SHTN1: variants seen among roughly 807,000 people sequenced by gnomAD.
SHTN1 encodes the protein shootin-1.
In SHTN1, 42 loss-of-function variants were observed where a neutral mutation model predicts 83.1. The ratio of observed to expected loss-of-function variants is 0.51; its 90% CI spans 0.39 to 0.65. The LOEUF is 0.65. SHTN1 is among the 30% of genes least tolerant of loss of function. The probability of loss-of-function intolerance (pLI) is 0.00; values close to 1 mark genes in which losing one functional copy is unlikely to be tolerated. For synonymous variants in SHTN1, 224 were observed against 247.7 expected (o/e 0.90, Z 0.90); for missense variants, 622 against 737.8 (o/e 0.84, Z 1.82).
At chr10:117,079,034 TTTTA>T (rs1051959084) in intron 1 of SHTN1, among the ~76,000 whole-genome samples, 9 of 152,038 alleles carry the variant, frequency 5.9e-5, no homozygotes, top group East Asian at 5.8e-4. Context: ...TTTTTTTTAT[TTTTA>T]TTTATTTTTT....
At position 116,949,027 on chromosome 10, in the gene SHTN1, A is replaced by G. The variant is rs117218296; in HGVS notation, c.535-30T>C. On this transcript the variant is annotated intron_variant, in intron 6 of 16. Transcript: ENST00000355371. ...AAATGTGAAATTTTGAGGGGAGAAA[A>G]CACCAAAAATTGTAAAACAGGACAT... The G allele has an allele frequency of 3.1e-4, 461 of 1,497,108 alleles. 2 individuals are homozygous for G. In the East Asian group the frequency reaches 6.8e-3, roughly 22 times the overall value. The allele number at this position is 1,497,108 out of a possible 1,614,324, so 92.7% of individuals were successfully genotyped here. A position where few individuals can be genotyped will look rare whatever the true frequency, so the allele number is the denominator to read the frequency against.
chr10:117,012,138 C>CAAA (rs745832549), intron 2 of SHTN1, among the ~76,000 whole-genome samples: 1 of 65,398 alleles, frequency 1.5e-5, no homozygotes, highest in Non-Finnish European at 3.0e-5. Flanking sequence ...GACTCCATCT[C>CAAA]AAAAAAAAAA....
chr10:116,975,652 A>C (rs1564908868), intron 2 of SHTN1, among the ~76,000 whole-genome samples: 1 of 152,032 alleles, frequency 6.6e-6, no homozygotes, highest in Non-Finnish European at 1.5e-5. Context: ...ACTGATAAAA[A>C]AAAAAAACAT....
At chr10:116,970,122 C>T (rs912640493) in intron 2 of SHTN1, among the ~76,000 whole-genome samples, 6 of 152,038 alleles carry the variant, frequency 3.9e-5, no homozygotes, top group African/African-American at 1.2e-4. Flanking sequence ...TCTCACCTAT[C>T]GGACTGGCAA....
chr10:116,944,807 C>T, intron 8 of SHTN1, 117 bp downstream of exon 8: 1 of 690,214 alleles, frequency 1.4e-6, no homozygotes, highest in Non-Finnish European at 2.6e-6. Flanking sequence ...ATGAGAATCG[C>T]TTGAATCAGG....
intron 3 of SHTN1, among the ~76,000 whole-genome samples, chr10:116,968,168 G>A (rs969494928): frequency 1.3e-5 from 2 of 152,162 alleles, no homozygotes; most frequent in South Asian, 2.1e-4. Flanking sequence ...GTGACAGAGC[G>A]AGACTCCATC....
intron 1 of SHTN1, among the ~76,000 whole-genome samples, chr10:117,069,316 G>A (rs117030104): frequency 0.024 from 3,608 of 152,212 alleles, 129 homozygotes; most frequent in East Asian, 0.12. Flanking sequence ...CACCAATCTC[G>A]GATTAGAGCA....
Position 117,072,374 on chromosome 10 carries a change from C to A in SHTN1, c.-188-23864G>T, listed in dbSNP as rs79752911. 7.6e-3 allele frequency among the ~76,000 whole-genome samples: 1,160 copies of A among 152,222 alleles called. 11 individuals are homozygous for A. Among genetic ancestry groups the A allele is most frequent in the Middle Eastern group, 0.041 (12 of 294 alleles). ...CAGAGCAGTGTGTAGAGGCCCACAT[C>A]GTGAATTTTAGCTCCAGAATGACGG... On this transcript the variant is annotated intron_variant, in intron 1 of 17. Coordinates refer to the SHTN1 transcript ENST00000392901.
At chr10:117,090,161 C>T (rs1214629064) in intron 1 of SHTN1, among the ~76,000 whole-genome samples, 4 of 152,120 alleles carry the variant, frequency 2.6e-5, no homozygotes, top group Admixed American at 1.3e-4. Context: ...AGAAGCAACC[C>T]AAATGTCCAT....
At chr10:116,926,728 C>A (rs575392029) in intron 11 of SHTN1, among the ~76,000 whole-genome samples, 6 of 148,596 alleles carry the variant, frequency 4.0e-5, no homozygotes, top group African/African-American at 7.5e-5. Flanking sequence ...AAAAAAAAAA[C>A]CCTAGAAAAA....
intron 12 of SHTN1, among the ~76,000 whole-genome samples, chr10:116,918,536 T>A (rs2133359770): frequency 6.6e-6 from 1 of 152,300 alleles, no homozygotes; most frequent in African/African-American, 2.4e-5. Context: ...CGAATTAAGT[T>A]CAAATCTGAC....
chr10:116,932,679 A>G lies in SHTN1; in HGVS notation c.859-2677T>C, dbSNP rs145591099. 3.4e-3 allele frequency among the ~76,000 whole-genome samples: 514 copies of G among 152,340 alleles called. 3 individuals are homozygous for G. The highest frequency in any genetic ancestry group is 0.012 in the African/African-American group (487 of 41,572). On this transcript the variant is annotated intron_variant, in intron 9 of 16. Coordinates refer to ENST00000355371, the MANE Select transcript of SHTN1 (RefSeq NM_001127211.3). Reference sequence around the variant, plus strand: ...TTAGGTATATTATTTTTGATTTACAATATTTTCAACTAACGTGGGTTTATC... The same window carrying G: ...TTAGGTATATTATTTTTGATTTACAGTATTTTCAACTAACGTGGGTTTATC...
intron 9 of SHTN1, among the ~76,000 whole-genome samples, chr10:116,935,441 G>C (rs1849123686): frequency 6.6e-6 from 1 of 152,130 alleles, no homozygotes; most frequent in Non-Finnish European, 1.5e-5. Context: ...TTTTGTCATT[G>C]GTTCTGTTTA....
intron 1 of SHTN1, among the ~76,000 whole-genome samples, chr10:117,096,838 T>C (rs1333214337): frequency 1.3e-5 from 2 of 152,116 alleles, no homozygotes; most frequent in Non-Finnish European, 2.9e-5. Flanking sequence ...GACACCTTGG[T>C]GTGAAAAACT....
intron 13 of SHTN1, among the ~76,000 whole-genome samples, chr10:116,914,022 G>A (rs1314452056): frequency 3.3e-5 from 5 of 152,188 alleles, no homozygotes; most frequent in Admixed American, 6.5e-5. Flanking sequence ...ACTATTTTAC[G>A]TGGTTGGCTG....
At chr10:117,081,113 AG>A (rs1405685345) in intron 1 of SHTN1, among the ~76,000 whole-genome samples, 3 of 149,292 alleles carry the variant, frequency 2.0e-5, no homozygotes, top group African/African-American at 7.3e-5. Context: ...GTCTTGTGCC[AG>A]TTTTCAAAGG....
chr10:117,113,710 C>T (rs1853801599), intron 1 of SHTN1, among the ~76,000 whole-genome samples: 1 of 152,100 alleles, frequency 6.6e-6, no homozygotes, highest in Non-Finnish European at 1.5e-5. Context: ...TCAAGACCCG[C>T]CTAGGCAAGA....
At chr10:117,082,539 A>C (rs980992897) in intron 1 of SHTN1, among the ~76,000 whole-genome samples, 27 of 151,892 alleles carry the variant, frequency 1.8e-4, no homozygotes, top group Non-Finnish European at 3.7e-4. Context: ...AGTTCTGTAG[A>C]TGTCTATTAG....
At chr10:117,005,423 C>T (rs1851985701), upstream of SHTN1, 1 of 1,109,922 alleles carries the variant, frequency 9.0e-7, no homozygotes. Context: ...TGCGTGGGGT[C>T]GCTCCGCACC....
Sources: gnomAD v4.1 joint callset for allele counts (sites outside exome capture counted in the v4.1 genomes callset) on GRCh38, gnomAD v4.1.1 for gene constraint, MANE v1.5 for transcripts, NCBI Gene and HGNC (gene_info 2026-07-23, HGNC 2026-07-21) for gene names.